The following PTCHD4 variants were observed in gnomAD, a reference collection of about 807,000 sequenced individuals.
PTCHD4 encodes patched domain containing 4.
Under a neutral mutation model 58.1 loss-of-function variants are expected in PTCHD4, and 33 were observed. That is an observed-to-expected ratio of 0.57 (90% CI 0.43 to 0.76). PTCHD4 has a LOEUF of 0.76. PTCHD4 is among the 30% of genes least tolerant of loss of function. The pLI is 0.00. For missense variants in PTCHD4, 1,058 were observed against 1,027.1 expected (o/e 1.03, Z -0.41); for synonymous variants, 478 against 409.6 (o/e 1.17, Z -2.02).
In PTCHD4 at chr6:47,869,814, A is replaced by C. The variant is rs1763668901; in HGVS notation, c.*8489T>G. 6.6e-6 allele frequency among the ~76,000 whole-genome samples: 1 copy of C among 151,710 alleles called. No homozygotes were observed. Among genetic ancestry groups the C allele is most frequent in the South Asian group, 2.1e-4 (1 of 4,830 alleles). On this transcript the variant is annotated 3_prime_UTR_variant, in exon 5 of 5. Transcript: ENST00000339488. The stretch of plus-strand genomic sequence containing the variant: ...ATGTTATTTTACATTGTGATGTTAT[A>C]AGATGTTTTGTTTAGGAAGTTTAAT...
chr6:47,878,909 G>C lies in PTCHD4; in HGVS notation c.1926C>G (p.Pro642=). The C allele has an allele frequency of 6.2e-7, 1 of 1,613,534 alleles. No individual in the cohort carries two copies. Among genetic ancestry groups the C allele is most frequent in the Non-Finnish European group, 8.5e-7 (1 of 1,179,756 alleles). Residue 642 remains proline (P), a synonymous_variant, in exon 5 of 5, where the codon CCC becomes CCG. Coordinates refer to ENST00000339488, the MANE Select transcript of PTCHD4 (RefSeq NM_001384253.1). The stretch of plus-strand genomic sequence containing the variant: ...TGTAATGGTCCATGAAGACAAAGGA[G>C]GGGTTGAACACGATGAATCGGATGC... ...SKSIRFIVFN[P]SFVFMDHYSL...
rs368131131 is a variant in PTCHD4 at position 48,026,632 on chromosome 6, C to A, written c.418-17518G>T. ...CCCTACATTCACTGGGGCTTTAGGT[C>A]CCCTATGCTCCACTGGAAGCTCTCA... On this transcript the variant is annotated intron_variant, in intron 3 of 4. Transcript: ENST00000339488. 1.2e-3 allele frequency among the ~76,000 whole-genome samples: 187 copies of A among 152,134 alleles called. 4 individuals are homozygous for A. In the South Asian group the frequency reaches 0.037, roughly 30 times the overall value.
intron 4 of PTCHD4, among the ~76,000 whole-genome samples, chr6:47,919,017 C>T (rs937060486): frequency 3.3e-5 from 5 of 152,044 alleles, no homozygotes; most frequent in East Asian, 1.9e-4. Context: ...AGCCAAGCAA[C>T]GAGGTTGAAG....
At position 47,858,682 on chromosome 6, in the gene PTCHD4, G is replaced by C. The variant is rs476997; in HGVS notation, c.*19621C>G. Among the ~76,000 whole-genome samples, 97,904 of 151,852 alleles carry C rather than the reference G, an allele frequency of 0.64. 32,245 individuals are homozygous for C. Among genetic ancestry groups the C allele is most frequent in the East Asian group, 0.78 (4,016 of 5,134 alleles). On this transcript the variant is annotated 3_prime_UTR_variant, in exon 5 of 5. Transcript: ENST00000339488. Reference sequence around the variant, plus strand: ...TGAACACAAGTAACAAGGCTACACTGCACTAGCCATCTGAGTCAGAATTTC... The same window carrying C: ...TGAACACAAGTAACAAGGCTACACTCCACTAGCCATCTGAGTCAGAATTTC...
chr6:48,096,533 ACCC>A (rs1303151554), intron 1 of PTCHD4, among the ~76,000 whole-genome samples: 1 of 151,442 alleles, frequency 6.6e-6, no homozygotes, highest in Admixed American at 6.6e-5. Flanking sequence ...AATCACTTGA[ACCC>A]AGGAGGCAGA....
chr6:47,999,264 C>T (rs546168772), intron 4 of PTCHD4, among the ~76,000 whole-genome samples: 40 of 152,280 alleles, frequency 2.6e-4, no homozygotes, highest in Non-Finnish European at 4.6e-4. Flanking sequence ...GACTCCAAGT[C>T]GTCTGACTCT....
intron 1 of PTCHD4, among the ~76,000 whole-genome samples, chr6:48,085,405 GA>G (rs1765244375): frequency 6.6e-6 from 1 of 152,062 alleles, no homozygotes; most frequent in African/African-American, 2.4e-5. Flanking sequence ...CATATTGATA[GA>G]GGTTAATTTT....
intron 4 of PTCHD4, among the ~76,000 whole-genome samples, chr6:47,928,746 G>T (rs1239628345): frequency 6.6e-6 from 1 of 152,084 alleles, no homozygotes; most frequent in Non-Finnish European, 1.5e-5. Context: ...CCCACCCATT[G>T]TGAGTTCCGT....
rs1763531242 is a variant in PTCHD4, at chr6:47,865,251, C to T, written c.*13052G>A. Among the ~76,000 whole-genome samples, 3 of 151,830 alleles carry T rather than the reference C, an allele frequency of 2.0e-5. No homozygotes were observed. Among genetic ancestry groups the T allele is most frequent in the Non-Finnish European group, 4.4e-5 (3 of 67,886 alleles). ...TGCCTATTTATGTTCCTAAGATATTCGTTTCTTCCTCTTTGACTCATCTTT... is the reference window on the plus strand; with the variant it reads ...TGCCTATTTATGTTCCTAAGATATTTGTTTCTTCCTCTTTGACTCATCTTT... On this transcript the variant is annotated 3_prime_UTR_variant, in exon 5 of 5. Transcript: ENST00000339488.
rs1289047118 is a variant in PTCHD4, at chr6:47,865,308, C to A, written c.*12995G>T. 6.6e-6 allele frequency among the ~76,000 whole-genome samples: 1 copy of A among 151,840 alleles called. No individual in the cohort carries two copies. Among genetic ancestry groups the A allele is most frequent in the African/African-American group, 2.4e-5 (1 of 41,382 alleles). On this transcript the variant is annotated 3_prime_UTR_variant, in exon 5 of 5. Transcript: ENST00000339488. ...CTGAATTTAATTAATGCAATATAAA[C>A]CATTTTTCCCCAAGTTAGATATGCA...
At chr6:47,899,842 A>G (rs1764642336) in intron 4 of PTCHD4, 1 of 152,166 alleles carries the variant, frequency 6.6e-6, no homozygotes, top group African/African-American at 2.4e-5. Flanking sequence ...CTGTCTCTAC[A>G]TATTTGCCTA....
At chr6:47,896,587 T>C (rs1764537367) in intron 4 of PTCHD4, among the ~76,000 whole-genome samples, 1 of 152,212 alleles carries the variant, frequency 6.6e-6, no homozygotes, top group South Asian at 2.1e-4. Context: ...ATGTAAATAC[T>C]CCTGAGAAGA....
At chr6:48,055,693 C>A (rs1388137587) in intron 3 of PTCHD4, among the ~76,000 whole-genome samples, 1 of 152,202 alleles carries the variant, frequency 6.6e-6, no homozygotes, top group Non-Finnish European at 1.5e-5. Flanking sequence ...TATGCTCTAT[C>A]TATAAAAGGG....
In PTCHD4 at chr6:47,874,018, T is replaced by C. The variant is rs150880117; in HGVS notation, c.*4285A>G. Among the ~76,000 whole-genome samples the C allele has an allele frequency of 4.4e-3, 675 of 151,882 alleles. 5 individuals carry two copies. Among genetic ancestry groups the C allele is most frequent in the African/African-American group, 0.015 (628 of 41,498 alleles). On this transcript the variant is annotated 3_prime_UTR_variant, in exon 5 of 5. Transcript: ENST00000339488. ...TGTAGTAGGATGCCGAGCAAATCAT[T>C]GACTTCTCCAATCTCTAAGAGACAA...
chr6:48,048,018 TAAAA>T (rs34442679), intron 3 of PTCHD4, among the ~76,000 whole-genome samples: 2,861 of 127,724 alleles, frequency 0.022, 94 homozygotes, highest in African/African-American at 0.073. Flanking sequence ...AGCATTCTAG[TAAAA>T]AAAAAAAAAA....
intron 3 of PTCHD4, among the ~76,000 whole-genome samples, chr6:48,062,906 C>T (rs1427840306): frequency 6.6e-6 from 1 of 152,136 alleles, no homozygotes; most frequent in Admixed American, 6.5e-5. Context: ...CTGACTCTAT[C>T]ATTTTACAGA....
At chr6:47,947,311 A>G (rs1204999164) in intron 4 of PTCHD4, among the ~76,000 whole-genome samples, 1 of 152,162 alleles carries the variant, frequency 6.6e-6, no homozygotes, top group Non-Finnish European at 1.5e-5. Context: ...CTCAATCTTG[A>G]CACATTTACC....
intron 4 of PTCHD4, among the ~76,000 whole-genome samples, chr6:47,956,930 G>A (rs1419001052): frequency 1.3e-5 from 2 of 151,946 alleles, no homozygotes; most frequent in African/African-American, 2.4e-5. Context: ...TTGGGAGGCC[G>A]AGGAGGGCAG....
rs1472375336 is a variant in PTCHD4, at chr6:47,943,230, G to A, written c.899-63294C>T. Reference sequence around the variant, plus strand: ...CATATATTTGAACATGTACAATGTCGTGCATGGTTTATGTAAAATTTGTAA... The same window carrying A: ...CATATATTTGAACATGTACAATGTCATGCATGGTTTATGTAAAATTTGTAA... On this transcript the variant is annotated intron_variant, in intron 4 of 4. Coordinates refer to ENST00000339488, the MANE Select transcript of PTCHD4 (RefSeq NM_001384253.1). Among the ~76,000 whole-genome samples, 4 of 152,050 alleles carry A rather than the reference G, an allele frequency of 2.6e-5. No homozygotes were observed. The South Asian group carries it at 8.3e-4, about 32-fold the overall frequency.
Sources: gnomAD v4.1 joint callset for allele counts (sites outside exome capture counted in the v4.1 genomes callset) on GRCh38, gnomAD v4.1.1 for gene constraint, MANE v1.5 for transcripts, NCBI Gene and HGNC (gene_info 2026-07-23, HGNC 2026-07-21) for gene names.